Variants in GLI2 observed in about 807,000 individuals in gnomAD.
The protein encoded by GLI2 is GLI family zinc finger 2, also known as transcription activator GLI2.
GLI2 carries 22 observed loss-of-function variants against 78.9 expected under a neutral mutation model. The ratio of observed to expected loss-of-function variants is 0.28; its 90% confidence interval spans 0.20 to 0.40. The LOEUF (loss-of-function observed/expected upper bound fraction) is 0.40, where lower values mean the gene tolerates loss of function less well. Among genes scored for constraint, GLI2 ranks in the 10% least tolerant of loss-of-function variants. The pLI, the probability that GLI2 is intolerant of heterozygous loss-of-function variation, is 1.00. For synonymous variants in GLI2, 974 were observed against 963.7 expected, an observed-to-expected ratio of 1.01 and a Z score of -0.20; for missense variants, 2,097 against 2,213.2, an observed-to-expected ratio of 0.95 and a Z score of 1.05.
chr2:120,863,556 T>C (rs1558840907), intron 2 of GLI2, among the ~76,000 whole-genome samples: 1 of 152,268 alleles, frequency 6.6e-6, no homozygotes. Flanking sequence ...TAGTATTGTA[T>C]TTTTTAAATA....
chr2:120,983,216 G>A (rs1682798809), intron 11 of GLI2, among the ~76,000 whole-genome samples: 1 of 152,146 alleles, frequency 6.6e-6, no homozygotes. Context: ...GTTGAAGCAG[G>A]GAAGTGGCCC....
intron 2 of GLI2, among the ~76,000 whole-genome samples, chr2:120,823,558 C>T (rs894072377): frequency 1.3e-5 from 2 of 152,188 alleles, no homozygotes; most frequent in African/African-American, 4.8e-5. Flanking sequence ...GATCTGCCCT[C>T]TTATAGCATT....
intron 1 of GLI2, among the ~76,000 whole-genome samples, chr2:120,778,938 T>C (rs1022523952): frequency 6.6e-6 from 1 of 152,076 alleles, no homozygotes; most frequent in African/African-American, 2.4e-5. Flanking sequence ...GCAAATGGGA[T>C]TGGGGATGCT....
intron 8 of GLI2, among the ~76,000 whole-genome samples, chr2:120,973,635 C>T (rs1682306344): frequency 6.6e-6 from 1 of 152,248 alleles, no homozygotes. Context: ...CTCACCCCAA[C>T]AGCCCCCAGA....
chr2:120,986,178 C>T, intron 12 of GLI2, 100 bp from the exon 13 acceptor site: 1 of 1,066,176 alleles, frequency 9.4e-7, no homozygotes, highest in South Asian at 1.3e-5. Context: ...CTCAGCCCCT[C>T]AGGGTGGGCG....
chr2:120,820,004 C>T (rs1234476504), intron 2 of GLI2, among the ~76,000 whole-genome samples: 2 of 152,142 alleles, frequency 1.3e-5, no homozygotes, highest in Admixed American at 6.5e-5. Flanking sequence ...GCACAGGCAG[C>T]AGGATGGCCA....
chr2:120,741,226 T>C (rs1372452022), intron 1 of GLI2, among the ~76,000 whole-genome samples: 3 of 152,176 alleles, frequency 2.0e-5, no homozygotes, highest in Non-Finnish European at 4.4e-5. Context: ...GTGATTACGC[T>C]TTGCTGACTC....
chr2:120,975,010 G>A lies in GLI2; in HGVS notation c.1218G>A (p.Arg406=), dbSNP rs267598854. 6.2e-7 allele frequency: 1 copy of A among 1,614,144 alleles called. No homozygotes were observed. Among genetic ancestry groups the A allele is most frequent in the Non-Finnish European group, 8.5e-7 (1 of 1,180,010 alleles). Residue 406 remains arginine, a synonymous_variant, in exon 9 of 14, where the codon AGG becomes AGA. Transcript: ENST00000361492. ...QLADLKEDLD[R]DDCKQEAEVV... is the part of the protein sequence containing the mutation. ...CTGACCTCAAGGAAGATCTGGACAG[G>A]GATGACTGTAAGCAGGAGGCTGAGG...
intron 2 of GLI2, among the ~76,000 whole-genome samples, chr2:120,898,690 G>C (rs1678100374): frequency 6.6e-6 from 1 of 152,124 alleles, no homozygotes; most frequent in Non-Finnish European, 1.5e-5. Context: ...GTCTCCTCTG[G>C]ATGACATCAC....
At chr2:120,745,476 G>A (rs995162383) in intron 1 of GLI2, among the ~76,000 whole-genome samples, 4 of 152,140 alleles carry the variant, frequency 2.6e-5, no homozygotes, top group Middle Eastern at 3.2e-3. Flanking sequence ...GTGTGGTGGC[G>A]TCAGGCCTGG....
At chr2:120,974,761 G>A (rs762574051) in intron 8 of GLI2, among the ~76,000 whole-genome samples, 1 of 150,796 alleles carries the variant, frequency 6.6e-6, no homozygotes, top group Non-Finnish European at 1.5e-5. Context: ...TTGAGGAAAG[G>A]AGCTAAAAAG....
intron 2 of GLI2, among the ~76,000 whole-genome samples, chr2:120,803,153 A>T (rs918557137): frequency 2.0e-5 from 3 of 152,246 alleles, no homozygotes; most frequent in Admixed American, 6.5e-5. Context: ...CCTGGATAGT[A>T]GCTGTAACAC....
chr2:120,833,294 G>T lies in GLI2; in HGVS notation c.148+35826G>T, dbSNP rs564654947. ...GCTGGGGGCCTGGCATTTGGGGAGG[G>T]TTCCTAAGGGCTGTAACCCCAGAAA... is the stretch of plus-strand genomic sequence containing the variant. On this transcript the variant is annotated intron_variant, in intron 2 of 13. Transcript: ENST00000361492. 5.9e-5 allele frequency among the ~76,000 whole-genome samples: 9 copies of T among 151,824 alleles called. No homozygotes were observed. In the South Asian group the frequency reaches 1.9e-3, roughly 32 times the overall value.
chr2:120,804,662 C>T (rs956616772), intron 2 of GLI2, among the ~76,000 whole-genome samples: 1 of 152,216 alleles, frequency 6.6e-6, no homozygotes, highest in Non-Finnish European at 1.5e-5. Flanking sequence ...TGCTGCTGGG[C>T]TTGTTTTATG....
chr2:120,801,693 T>C (rs903833599), intron 2 of GLI2, among the ~76,000 whole-genome samples: 4 of 151,994 alleles, frequency 2.6e-5, no homozygotes, highest in Non-Finnish European at 4.4e-5. Context: ...AGAGAGGACA[T>C]GAAGGGGGTG....
intron 2 of GLI2, among the ~76,000 whole-genome samples, chr2:120,913,085 A>G (rs1678913200): frequency 6.6e-6 from 1 of 152,246 alleles, no homozygotes; most frequent in African/African-American, 2.4e-5. Flanking sequence ...GTAGGAAGCT[A>G]AGATTCAAAG....
intron 2 of GLI2, among the ~76,000 whole-genome samples, chr2:120,919,250 T>G (rs973835539): frequency 6.6e-6 from 1 of 152,240 alleles, no homozygotes; most frequent in Admixed American, 6.5e-5. Context: ...AGGAACATGA[T>G]AAATTAGTTT....
chr2:120,906,481 C>T (rs903813976), intron 2 of GLI2, among the ~76,000 whole-genome samples: 1 of 152,090 alleles, frequency 6.6e-6, no homozygotes, highest in Non-Finnish European at 1.5e-5. Context: ...AGGTGAGCAC[C>T]GGGCAGCTCA....
intron 1 of GLI2, among the ~76,000 whole-genome samples, chr2:120,781,380 G>A (rs1683843069): frequency 1.3e-5 from 2 of 152,208 alleles, no homozygotes; most frequent in Non-Finnish European, 2.9e-5. Context: ...CCCTGCCGGG[G>A]TCAGAGCAGC....
Sources: gnomAD v4.1 joint callset for allele counts (sites outside exome capture counted in the v4.1 genomes callset) on GRCh38, gnomAD v4.1.1 for gene constraint, MANE v1.5 for transcripts, NCBI Gene and HGNC (gene_info 2026-07-23, HGNC 2026-07-21) for gene names.